The following TRIM68 variants were observed in gnomAD, a reference collection of about 807,000 sequenced individuals.
TRIM68 encodes tripartite motif containing 68.
A neutral mutation model predicts 41.9 loss-of-function variants in TRIM68; 36 were observed. The ratio of observed to expected loss-of-function variants is 0.86; its 90% CI spans 0.66 to 1.14. The LOEUF is 1.14. Ranked by LOEUF, TRIM68 falls within the 50% of genes most tolerant of loss-of-function variation. The pLI is 0.00. For synonymous variants in TRIM68, 225 were observed against 224.6 expected (o/e 1.00, Z -0.02); for missense variants, 632 against 605.1 (o/e 1.04, Z -0.47).
In TRIM68 at chr11:4,602,516, G is replaced by A. The variant is rs961433596; in HGVS notation, c.523-104C>T. 4.9e-6 allele frequency: 7 copies of A among 1,440,702 alleles called. No homozygotes were observed. In the African/African-American group the frequency reaches 8.4e-5, roughly 17 times the overall value. 89.2% of individuals were successfully genotyped at this position (1,440,702 alleles called of 1,614,324 possible). ...TACTCTGCAATGGTACCAACCACGT[G>A]ACAGGCTATGCAGGGGCAAAGATAA... On this transcript the variant is annotated intron_variant, in intron 3 of 6. Transcript: ENST00000300747.
intron 3 of TRIM68, among the ~76,000 whole-genome samples, chr11:4,602,870 G>A (rs1564865544): frequency 6.6e-6 from 1 of 152,202 alleles, no homozygotes; most frequent in Non-Finnish European, 1.5e-5. Context: ...TTTCAGAGGT[G>A]ATTTTACAAT....
chr11:4,607,466 G>T (rs1340178494), intron 1 of TRIM68, among the ~76,000 whole-genome samples: 5 of 152,196 alleles, frequency 3.3e-5, no homozygotes, highest in African/African-American at 1.2e-4. Context: ...ATAAATGGAA[G>T]TTGATACCCA....
chr11:4,602,065 C>G, intron 4 of TRIM68, 87 bp downstream of exon 4: 1 of 1,578,922 alleles, frequency 6.3e-7, no homozygotes, highest in Non-Finnish European at 8.6e-7. Flanking sequence ...CTGGCAGTCC[C>G]TACTGAAGGG....
intron 1 of TRIM68, 53 bp downstream of exon 1, chr11:4,607,974 G>T: frequency 6.6e-6 from 1 of 152,518 alleles, no homozygotes; most frequent in Non-Finnish European, 1.5e-5. Context: ...GCGGGTGGGG[G>T]TAAAGTGAGC....
Position 4,600,753 on chromosome 11 carries a change from A to C in TRIM68, c.981T>G (p.Tyr327Ter). Residue 327 changes from tyrosine (Y) to a stop codon, truncating the protein, a stop_gained, in exon 7 of 7, where the codon TAT (tyrosine) becomes TAG (stop). Transcript: ENST00000300747. LOFTEE classifies it low-confidence loss of function (END_TRUNC). ...CTGGCAGTTTCTGGTTGGTGTCTCC[A>C]TAGTGCACACGTTTTCTGTCCTCAG... ...IVSEDRKRVH[Y>*]GDTNQKLPDN... is the part of the protein sequence containing the mutation. 6.2e-7 allele frequency: 1 copy of C among 1,614,118 alleles called. No individual in the cohort carries two copies. Among genetic ancestry groups the C allele is most frequent in the Non-Finnish European group, 8.5e-7 (1 of 1,180,018 alleles).
chr11:4,602,396 C>T lies in TRIM68; in HGVS notation c.539G>A (p.Arg180Gln), dbSNP rs149689389. The change falls in exon 4 of 7, where the codon CGA (arginine) becomes CAA (glutamine). Residue 180 changes from arginine to glutamine, a missense_variant. Physicochemically the swap from Arg to Gln is conservative, Grantham distance 43 (BLOSUM62 1). Transcript: ENST00000300747. ...AAACTCCCATACAATACTCTGTTTT[C>T]GGGTTTCCACCTGTATCTGTGGAGC... Reference protein sequence around the residue: ...TATWKIQVETRKQSIVWEFEK... With the variant: ...TATWKIQVETQKQSIVWEFEK... 227 of 1,613,556 alleles carry T rather than the reference C, an allele frequency of 1.4e-4. No homozygotes were observed. The highest frequency in any genetic ancestry group is 1.8e-4 in the Middle Eastern group (1 of 5,682).
Position 4,600,529 on chromosome 11 carries a change from T to C in TRIM68, c.1205A>G (p.Asn402Ser), listed in dbSNP as rs2133196928. 1 of 1,614,016 alleles carries C rather than the reference T, an allele frequency of 6.2e-7. No homozygotes were observed. The highest frequency in any genetic ancestry group is 1.7e-4 in the Middle Eastern group (1 of 6,060). The change falls in exon 7 of 7, where the codon AAT becomes AGT. Residue 402 changes from asparagine to serine, a missense_variant. Coordinates refer to ENST00000300747, the MANE Select transcript of TRIM68 (RefSeq NM_018073.8). Reference protein sequence around the residue: ...GFWVIRLRKGNEYRAGTDEYP... With the variant: ...GFWVIRLRKGSEYRAGTDEYP... ...CTCATCGGTGCCTGCTCGGTACTCATTTCCCTTCCTCAGCCTTATCACCCA... is the reference window on the plus strand; with the variant it reads ...CTCATCGGTGCCTGCTCGGTACTCACTTCCCTTCCTCAGCCTTATCACCCA...
chr11:4,600,308 G>A lies in TRIM68; in HGVS notation c.1426C>T (p.Leu476=), dbSNP rs1279610817. ...TCCCCATCCAGGGAGCAGATGGCCA[G>A]AGGAGCAGTGTTGTTGGTTCCAATG... ...YSIGTNNTAP[L]AICSLDGED Residue 476 remains leucine, a synonymous_variant, in exon 7 of 7, where the codon CTG becomes TTG. Coordinates refer to ENST00000300747, the MANE Select transcript of TRIM68 (RefSeq NM_018073.8). 2 of 1,598,734 alleles carry A rather than the reference G, an allele frequency of 1.3e-6. No individual in the cohort carries two copies. The highest frequency in any genetic ancestry group is 1.7e-5 in the Admixed American group (1 of 58,790).
In TRIM68 at chr11:4,600,162, C is replaced by G; in HGVS notation, c.*114G>C. Reference sequence around the variant, plus strand: ...GACCAAAGGATCAGACAGAGGAATCCTTGGATACTGGGCTCAGCTCAGTTT... The same window carrying G: ...GACCAAAGGATCAGACAGAGGAATCGTTGGATACTGGGCTCAGCTCAGTTT... On this transcript the variant is annotated 3_prime_UTR_variant, in exon 7 of 7. Coordinates refer to ENST00000300747, the MANE Select transcript of TRIM68 (RefSeq NM_018073.8). 9.1e-7 allele frequency: 1 copy of G among 1,096,458 alleles called. No homozygotes were observed. The highest frequency in any genetic ancestry group is 1.3e-6 in the Non-Finnish European group (1 of 777,508). 67.9% of individuals were successfully genotyped at this position (1,096,458 alleles called of 1,614,324 possible).
In TRIM68 at chr11:4,603,237, C is replaced by A. The variant is rs371578232; in HGVS notation, c.522+8G>T. 4.1e-5 allele frequency: 66 copies of A among 1,613,974 alleles called. No individual in the cohort carries two copies. The highest frequency in any genetic ancestry group is 5.0e-5 in the Non-Finnish European group (59 of 1,179,908). On this transcript the variant is annotated splice_region_variant and intron_variant, in intron 3 of 6. Coordinates refer to ENST00000300747, the MANE Select transcript of TRIM68 (RefSeq NM_018073.8). ...GACACAAACTCCTTTCCCCACGAGG[C>A]AACCTGCCTTCCAGGTGGCAGTTCG...
At chr11:4,601,794 G>A in intron 4 of TRIM68, 108 bp from the exon 5 acceptor site, 1 of 1,274,306 alleles carries the variant, frequency 7.8e-7, no homozygotes, top group Admixed American at 1.7e-5. Context: ...CAGATACCAA[G>A]AATGGAGAGA....
intron 2 of TRIM68, 94 bp from the exon 3 acceptor site, chr11:4,603,434 C>A: frequency 8.8e-7 from 1 of 1,142,758 alleles, no homozygotes; most frequent in Non-Finnish European, 1.3e-6. Flanking sequence ...TTCAGGCAAC[C>A]GGCCACAGTG....
Sources: gnomAD v4.1 joint callset for allele counts (sites outside exome capture counted in the v4.1 genomes callset) on GRCh38, gnomAD v4.1.1 for gene constraint, MANE v1.5 for transcripts, NCBI Gene and HGNC (gene_info 2026-07-23, HGNC 2026-07-21) for gene names.